The following RNF180 variants were observed in gnomAD, a reference collection of about 807,000 sequenced individuals.
RNF180 encodes ring finger protein 180, also known as E3 ubiquitin-protein ligase RNF180.
In RNF180, 38 loss-of-function variants were observed where a neutral mutation model predicts 59.2. The ratio of observed to expected loss-of-function variants is 0.64; its 90% CI spans 0.50 to 0.84. The LOEUF (loss-of-function observed/expected upper bound fraction) is 0.84. RNF180 is among the 40% of genes least tolerant of loss of function. The probability of loss-of-function intolerance (pLI) is 0.00; values close to 1 mark genes in which losing one functional copy is unlikely to be tolerated. For missense variants in RNF180, 705 were observed against 700.9 expected (o/e 1.01, Z -0.07); for synonymous variants, 262 against 240.3 (o/e 1.09, Z -0.84).
chr5:64,173,621 TCCTTTCCCTTTCC>T (rs1251410905), intron 1 of RNF180, among the ~76,000 whole-genome samples: 1 of 151,886 alleles, frequency 6.6e-6, no homozygotes, highest in African/African-American at 2.4e-5. Flanking sequence ...CTCTCCCTCC[TCCTTTCCCTTTCC>T]CCTTTCCCTT....
chr5:64,330,434 G>A (rs1744851115), intron 7 of RNF180, 28 bp downstream of exon 7: 1 of 1,521,826 alleles, frequency 6.6e-7, no homozygotes, highest in African/African-American at 1.4e-5. Flanking sequence ...CAAAAAAAAA[G>A]TCTGGTAATT....
chr5:64,334,787 C>T (rs1022323410), intron 7 of RNF180, among the ~76,000 whole-genome samples: 1 of 152,182 alleles, frequency 6.6e-6, no homozygotes, highest in Admixed American at 6.5e-5. Context: ...AATGCCCCAA[C>T]CCAACTTATC....
chr5:64,188,859 C>T (rs1387831367), intron 1 of RNF180, among the ~76,000 whole-genome samples: 2 of 152,088 alleles, frequency 1.3e-5, no homozygotes, highest in African/African-American at 2.4e-5. Flanking sequence ...GTGTCCCTCA[C>T]CGCCTGCCCC....
At chr5:64,200,766 C>G (rs763716952) in intron 1 of RNF180, 42 bp from the exon 2 acceptor site, 1 of 1,566,412 alleles carries the variant, frequency 6.4e-7, no homozygotes, top group Non-Finnish European at 8.7e-7. Flanking sequence ...TCCAGTTTAT[C>G]TGACAGTTTA....
In RNF180 at chr5:64,293,788, C is replaced by T. The variant is rs115010109; in HGVS notation, c.1228-31398C>T. Among the ~76,000 whole-genome samples, 1,463 of 152,088 alleles carry T rather than the reference C, an allele frequency of 9.6e-3. 32 individuals are homozygous for T. The highest frequency in any genetic ancestry group is 0.033 in the African/African-American group (1,366 of 41,486). On this transcript the variant is annotated intron_variant, in intron 5 of 7. Transcript: ENST00000389100. ...ATCAAAGAAAGCACTGTTTCTTTTG[C>T]CAGAAACAGCTTTATCCTAACTTGT...
chr5:64,253,479 G>A (rs754850539), intron 5 of RNF180, among the ~76,000 whole-genome samples: 15 of 151,906 alleles, frequency 9.9e-5, no homozygotes, highest in African/African-American at 1.9e-4. Context: ...CAGGTTTCCC[G>A]TTTTGGAGAA....
rs529420550 is a variant in RNF180 at position 64,369,852 on chromosome 5, G to T, written c.*38G>T. Reference sequence around the variant, plus strand: ...TTACTACAATTGACCAATCATAAATGATGTAAATAACAATTGCTTAAACAT... The same window carrying T: ...TTACTACAATTGACCAATCATAAATTATGTAAATAACAATTGCTTAAACAT... On this transcript the variant is annotated 3_prime_UTR_variant, in exon 8 of 8. Transcript: ENST00000389100. The T allele has an allele frequency of 1.5e-5, 17 of 1,127,658 alleles. No individual in the cohort carries two copies. The highest frequency in any genetic ancestry group is 2.9e-5 in the East Asian group (1 of 34,474). 69.9% of individuals were successfully genotyped at this position (1,127,658 alleles called of 1,614,324 possible).
Position 64,369,843 on chromosome 5 carries a change from A to G in RNF180, c.*29A>G, listed in dbSNP as rs561024076. ...TTTCATACCTTACTACAATTGACCA[A>G]TCATAAATGATGTAAATAACAATTG... On this transcript the variant is annotated 3_prime_UTR_variant, in exon 8 of 8. Transcript: ENST00000389100. 245 of 1,191,646 alleles carry G rather than the reference A, an allele frequency of 2.1e-4. No individual in the cohort carries two copies. The highest frequency in any genetic ancestry group is 4.8e-4 in the African/African-American group (31 of 63,998). The allele number at this position is 1,191,646 out of a possible 1,614,324, so 73.8% of individuals were successfully genotyped here. A position where few individuals can be genotyped will look rare whatever the true frequency, so the allele number is the denominator to read the frequency against.
At chr5:64,231,381 C>T (rs988349143) in intron 5 of RNF180, among the ~76,000 whole-genome samples, 1 of 152,134 alleles carries the variant, frequency 6.6e-6, no homozygotes, top group African/African-American at 2.4e-5. Flanking sequence ...TTTACACTTA[C>T]TAATGAGCAA....
intron 5 of RNF180, among the ~76,000 whole-genome samples, chr5:64,293,071 C>G (rs556037570): frequency 1.5e-4 from 23 of 152,294 alleles, no homozygotes; most frequent in African/African-American, 3.1e-4. Flanking sequence ...CAGCCTGTTG[C>G]GCTGGGTTGG....
chr5:64,169,940 T>G (rs1749850689), intron 1 of RNF180, among the ~76,000 whole-genome samples: 1 of 152,248 alleles, frequency 6.6e-6, no homozygotes, highest in Admixed American at 6.5e-5. Flanking sequence ...CCAAAAGGGT[T>G]AATGCCTCTT....
intron 5 of RNF180, among the ~76,000 whole-genome samples, chr5:64,222,200 G>A (rs749378190): frequency 2.0e-5 from 3 of 152,150 alleles, no homozygotes; most frequent in Middle Eastern, 3.4e-3. Context: ...TGGGCTTATC[G>A]GTTGTGTCAT....
At chr5:64,179,039 C>G (rs1750423714) in intron 1 of RNF180, among the ~76,000 whole-genome samples, 1 of 152,106 alleles carries the variant, frequency 6.6e-6, no homozygotes, top group Non-Finnish European at 1.5e-5. Flanking sequence ...GTTGCTGCTC[C>G]TTCCCCACTC....
intron 1 of RNF180, among the ~76,000 whole-genome samples, chr5:64,171,238 A>G (rs570831789): frequency 2.6e-5 from 4 of 152,192 alleles, no homozygotes; most frequent in Non-Finnish European, 5.9e-5. Context: ...ACTGAGGGGG[A>G]TAACGACAAT....
intron 5 of RNF180, among the ~76,000 whole-genome samples, chr5:64,288,452 T>A (rs1742404023): frequency 6.6e-6 from 1 of 152,196 alleles, no homozygotes; most frequent in South Asian, 2.1e-4. Flanking sequence ...CACTGATAAG[T>A]GGGAATAGCA....
At chr5:64,219,828 AT>A (rs1366018507) in intron 5 of RNF180, among the ~76,000 whole-genome samples, 1 of 151,838 alleles carries the variant, frequency 6.6e-6, no homozygotes, top group African/African-American at 2.4e-5. Context: ...CGAGGATAAC[AT>A]TTTTTTACTT....
intron 5 of RNF180, among the ~76,000 whole-genome samples, chr5:64,286,865 A>G (rs1173408107): frequency 6.6e-6 from 1 of 152,250 alleles, no homozygotes; most frequent in East Asian, 1.9e-4. Context: ...TGTTCATCAC[A>G]GAGGAAATCA....
chr5:64,197,789 G>T (rs1332254307), intron 1 of RNF180, among the ~76,000 whole-genome samples: 1 of 152,038 alleles, frequency 6.6e-6, no homozygotes, highest in Non-Finnish European at 1.5e-5. Context: ...TGAATGATTG[G>T]CAAACTGTAT....
At chr5:64,227,430 CA>C (rs1741835947) in intron 5 of RNF180, among the ~76,000 whole-genome samples, 1 of 152,196 alleles carries the variant, frequency 6.6e-6, no homozygotes, top group Non-Finnish European at 1.5e-5. Context: ...TGGTCCCGAA[CA>C]AAGGGTTCAA....
Sources: allele counts gnomAD v4.1 joint callset (sites outside exome capture counted in the v4.1 genomes callset), GRCh38; gene constraint gnomAD v4.1.1; transcripts MANE v1.5; gene names NCBI Gene and HGNC (gene_info 2026-07-23, HGNC 2026-07-21).